The following ATAT1 variants were observed in gnomAD, a reference collection of about 807,000 sequenced individuals.
ATAT1 encodes alpha-tubulin N-acetyltransferase 1.
In ATAT1, 42 loss-of-function variants were observed where a neutral mutation model predicts 57.2. The ratio of observed to expected loss-of-function variants is 0.73; its 90% CI spans 0.57 to 0.95. The LOEUF (loss-of-function observed/expected upper bound fraction) is 0.95, where lower values mean the gene tolerates loss of function less well. Among genes scored for constraint, ATAT1 ranks in the 40% least tolerant of loss-of-function variants. ATAT1 has a pLI of 0.00. For synonymous variants in ATAT1, 168 were observed against 187.1 expected (o/e 0.90, Z 0.83); for missense variants, 454 against 523.7 (o/e 0.87, Z 1.30).
In ATAT1 at chr6:30,642,253, A is replaced by AG; in HGVS notation, c.688+10dup. On this transcript the variant is annotated splice_region_variant and intron_variant, in intron 9 of 12. Coordinates refer to ENST00000330083, the MANE Select transcript of ATAT1 (RefSeq NM_001031722.4). ...CTCCTCTAGTGACCGAGAATGTAAG[A>AG]GGGGCAAGGGTCGGGTGTCTGGGCC... 1 of 1,614,022 alleles carries AG rather than the reference A, an allele frequency of 6.2e-7. No homozygotes were observed. Among genetic ancestry groups the AG allele is most frequent in the African/African-American group, 1.3e-5 (1 of 74,996 alleles).
In ATAT1 at chr6:30,646,516, A is replaced by G. The variant is rs1005941812; in HGVS notation, c.1103A>G (p.Lys368Arg). Reference sequence around the variant, plus strand: ...TTGTCACAGGATGGGTCTGGGGAGAAGCCCATGCACACAGCTCCTCCACAG... The same window carrying G: ...TTGTCACAGGATGGGTCTGGGGAGAGGCCCATGCACACAGCTCCTCCACAG... The change falls in exon 13 of 13, where the codon AAG (lysine) becomes AGG (arginine). Residue 368 changes from lysine (K) to arginine (R), a missense_variant. Around this residue, in one of 3 missense-constraint regions of ATAT1, gnomAD observed 216 missense variants for 222.2 expected, o/e 0.97. Transcript: ENST00000330083. 7 of 1,597,372 alleles carry G rather than the reference A, an allele frequency of 4.4e-6. No individual in the cohort carries two copies. Among genetic ancestry groups the G allele is most frequent in the Admixed American group, 3.5e-5 (2 of 57,912 alleles).
Position 30,627,496 on chromosome 6 carries a change from T to A in ATAT1, c.108T>A (p.Asp36Glu), listed in dbSNP as rs1561888462. 6.2e-7 allele frequency: 1 copy of A among 1,613,502 alleles called. No individual in the cohort carries two copies. The highest frequency in any genetic ancestry group is 8.5e-7 in the Non-Finnish European group (1 of 1,179,878). Residue 36 changes from aspartate (D) to glutamate (E), a missense_variant, in exon 2 of 13, where the codon GAT (aspartate) becomes GAA (glutamate). This residue lies in a region of ATAT1 where 236 missense variants were observed against 284.5 expected (regional missense o/e 0.83). Transcript: ENST00000330083. ...AGCAGCAAATTATGACCATTATAGA[T>A]GAACTGGGCAAGGCTTCTGCCAAGG...
intron 6 of ATAT1, among the ~76,000 whole-genome samples, chr6:30,632,441 G>A (rs191595562): frequency 2.0e-5 from 3 of 151,562 alleles, no homozygotes; most frequent in Non-Finnish European, 4.4e-5. Flanking sequence ...GTGTGGTGGC[G>A]GGCACCTGTA....
At chr6:30,632,838 G>C (rs1489619981) in intron 6 of ATAT1, among the ~76,000 whole-genome samples, 1 of 151,932 alleles carries the variant, frequency 6.6e-6, no homozygotes, top group African/African-American at 2.4e-5. Context: ...TCGGGAGACT[G>C]AGGCAGGGGA....
At chr6:30,631,974 C>T (rs908018468) in intron 6 of ATAT1, among the ~76,000 whole-genome samples, 3 of 151,822 alleles carry the variant, frequency 2.0e-5, no homozygotes, top group Non-Finnish European at 2.9e-5. Flanking sequence ...GGAGGAGGGG[C>T]CTTATAGGCT....
At position 30,628,071 on chromosome 6, in the gene ATAT1, A is replaced by C; in HGVS notation, c.325A>C (p.Ile109Leu). Residue 109 changes from isoleucine to leucine, a missense_variant, in exon 5 of 13, where the codon ATC becomes CTC. By Grantham distance (5) the Ile-to-Leu change is conservative (BLOSUM62 2). Transcript: ENST00000330083. ...TCATAATGAGGTAGAACCACTTTGCATCCTGGACTTTTACATCCATGAGTC... is the reference window on the plus strand; with the variant it reads ...TCATAATGAGGTAGAACCACTTTGCCTCCTGGACTTTTACATCCATGAGTC... 1 of 1,613,044 alleles carries C rather than the reference A, an allele frequency of 6.2e-7. No homozygotes were observed. Among genetic ancestry groups the C allele is most frequent in the Non-Finnish European group, 8.5e-7 (1 of 1,180,026 alleles).
At chr6:30,635,593 A>G (rs1415083692) in intron 6 of ATAT1, among the ~76,000 whole-genome samples, 1 of 152,040 alleles carries the variant, frequency 6.6e-6, no homozygotes, top group Non-Finnish European at 1.5e-5. Flanking sequence ...CATCTCAAAA[A>G]AAAAAAAAAA....
chr6:30,627,151 A>G lies in ATAT1; in HGVS notation c.-53A>G. ...GACCCTGGGCCTAGTGGGATTGATC[A>G]GCGCTTGGATCTGTGACCTTTCACC... On this transcript the variant is annotated 5_prime_UTR_variant, in exon 1 of 13. Coordinates refer to ENST00000330083, the MANE Select transcript of ATAT1 (RefSeq NM_001031722.4). 6.2e-7 allele frequency: 1 copy of G among 1,610,928 alleles called. No individual in the cohort carries two copies. The highest frequency in any genetic ancestry group is 8.5e-7 in the Non-Finnish European group (1 of 1,178,438).
rs200339266 is a variant in ATAT1, at chr6:30,646,654, G to A, written c.*11G>A. ...ACCAGGCCTTGGTGACCGCAGCCCC[G>A]TCAAACATCTTCAAAGTATTATTTC... On this transcript the variant is annotated 3_prime_UTR_variant, in exon 13 of 13. Coordinates refer to ENST00000330083, the MANE Select transcript of ATAT1 (RefSeq NM_001031722.4). The A allele has an allele frequency of 7.3e-4, 1,126 of 1,540,228 alleles. 3 individuals are homozygous for A. Among genetic ancestry groups the A allele is most frequent in the South Asian group, 3.7e-3 (306 of 82,916 alleles).
intron 9 of ATAT1, among the ~76,000 whole-genome samples, 197 bp downstream of exon 9, chr6:30,642,444 A>G (rs1361344668): frequency 6.6e-6 from 1 of 152,012 alleles, no homozygotes; most frequent in Admixed American, 6.5e-5. Context: ...GGGGTTCAAG[A>G]CCAGCCTGGC....
intron 6 of ATAT1, among the ~76,000 whole-genome samples, chr6:30,636,355 T>C (rs2127521286): frequency 6.6e-6 from 1 of 152,012 alleles, no homozygotes; most frequent in African/African-American, 2.4e-5. Flanking sequence ...GAGGCCAAGG[T>C]AGGCGGATCA....
intron 8 of ATAT1, chr6:30,641,713 G>A: frequency 6.9e-6 from 6 of 872,902 alleles, no homozygotes; most frequent in Non-Finnish European, 8.2e-6. Flanking sequence ...GAGAGATTGT[G>A]CCCTCCTTCC....
Position 30,628,342 on chromosome 6 carries a change from A to G in ATAT1, c.413A>G (p.Glu138Gly). 1 of 1,613,082 alleles carries G rather than the reference A, an allele frequency of 6.2e-7. No homozygotes were observed. Among genetic ancestry groups the G allele is most frequent in the Non-Finnish European group, 8.5e-7 (1 of 1,180,034 alleles). ...TTTTCCCTGCAGAAGGAGCGAGTGGAACCGCACCAACTGGCAATTGACCGA... is the reference window on the plus strand; with the variant it reads ...TTTTCCCTGCAGAAGGAGCGAGTGGGACCGCACCAACTGGCAATTGACCGA... The change falls in exon 6 of 13, where the codon GAA becomes GGA. Residue 138 changes from glutamate to glycine, a missense_variant. Glu to Gly is a moderately conservative substitution (Grantham distance 98, BLOSUM62 -2). Around this residue, in one of 3 missense-constraint regions of ATAT1, gnomAD observed 236 missense variants for 284.5 expected, o/e 0.83. Coordinates refer to ENST00000330083, the MANE Select transcript of ATAT1 (RefSeq NM_001031722.4).
At position 30,627,842 on chromosome 6, in the gene ATAT1, G is replaced by A. The variant is rs766014031; in HGVS notation, c.225-9G>A. Reference sequence around the variant, plus strand: ...CACTAGCCTGTTCATTATTTTCCCCGTCCTACAGGGCTGGAAAAGGAGCCA... The same window carrying A: ...CACTAGCCTGTTCATTATTTTCCCCATCCTACAGGGCTGGAAAAGGAGCCA... On this transcript the variant is annotated splice_polypyrimidine_tract_variant and intron_variant, in intron 3 of 12. Transcript: ENST00000330083. 9.9e-6 allele frequency: 16 copies of A among 1,612,466 alleles called. No homozygotes were observed. Among genetic ancestry groups the A allele is most frequent in the African/African-American group, 6.7e-5 (5 of 74,798 alleles).
rs775566180 is a variant in ATAT1 at position 30,640,395 on chromosome 6, T to C, written c.520T>C (p.Phe174Leu). The stretch of plus-strand genomic sequence containing the variant: ...CTTCCAGGTGAACAACTTTGTGATC[T>C]TTGAAGGCTTCTTTGCCCATCAACA... Residue 174 changes from phenylalanine to leucine, a missense_variant, in exon 7 of 13, where the codon TTT becomes CTT. Around this residue, in one of 3 missense-constraint regions of ATAT1, gnomAD observed 236 missense variants for 284.5 expected, o/e 0.83. Transcript: ENST00000330083. 1.2e-6 allele frequency: 2 copies of C among 1,612,962 alleles called. No homozygotes were observed. The highest frequency in any genetic ancestry group is 2.7e-5 in the African/African-American group (2 of 74,908).
chr6:30,638,714 C>T (rs1764706973), intron 6 of ATAT1, among the ~76,000 whole-genome samples: 1 of 152,148 alleles, frequency 6.6e-6, no homozygotes, highest in East Asian at 1.9e-4. Context: ...AACACTGCAG[C>T]TGGAATCAGA....
In ATAT1 at chr6:30,628,130, C is replaced by A; in HGVS notation, c.384C>A (p.Phe128Leu). The change falls in exon 5 of 13, where the codon TTC (phenylalanine) becomes TTA (leucine). Residue 128 changes from phenylalanine (F) to leucine (L), a missense_variant. Phe to Leu is a conservative substitution (Grantham distance 22, BLOSUM62 0). This residue lies in a region of ATAT1 where 236 missense variants were observed against 284.5 expected (regional missense o/e 0.83). Coordinates refer to ENST00000330083, the MANE Select transcript of ATAT1 (RefSeq NM_001031722.4). ...GCCATGGCCATGGGCGAGAACTCTT[C>A]CAGTATATGTTGCAGGTATCACTGA... 1.2e-6 allele frequency: 2 copies of A among 1,612,836 alleles called. No homozygotes were observed. Among genetic ancestry groups the A allele is most frequent in the Non-Finnish European group, 1.7e-6 (2 of 1,179,864 alleles).
intron 10 of ATAT1, among the ~76,000 whole-genome samples, chr6:30,645,185 T>G (rs1022529511): frequency 6.6e-6 from 1 of 152,076 alleles, no homozygotes; most frequent in Non-Finnish European, 1.5e-5. Flanking sequence ...AAATTCAGCC[T>G]TGTCACTTCC....
rs748992480 is a variant in ATAT1 at position 30,640,565 on chromosome 6, G to C, written c.578G>C (p.Arg193Pro). ...CCTGCTCCCTCTCTGAGGGCAACTCGACACTCTCGTGCTGCTGCAGTCGAT... is the reference window on the plus strand; with the variant it reads ...CCTGCTCCCTCTCTGAGGGCAACTCCACACTCTCGTGCTGCTGCAGTCGAT... Residue 193 changes from arginine to proline, a missense_variant, in exon 8 of 13, where the codon CGA becomes CCA. By Grantham distance (103) the Arg-to-Pro change is moderately radical. Coordinates refer to ENST00000330083, the MANE Select transcript of ATAT1 (RefSeq NM_001031722.4). 1.9e-6 allele frequency: 3 copies of C among 1,612,930 alleles called. No homozygotes were observed. In the Admixed American group the frequency reaches 5.0e-5, roughly 27 times the overall value.
Sources: allele counts gnomAD v4.1 joint callset (sites outside exome capture counted in the v4.1 genomes callset), GRCh38; gene constraint gnomAD v4.1.1; regional missense constraint gnomAD v4.1.1; transcripts MANE v1.5; gene names NCBI Gene and HGNC (gene_info 2026-07-23, HGNC 2026-07-21).